The following EXOC4 variants were observed in gnomAD, a reference collection of about 807,000 sequenced individuals.
EXOC4 encodes SEC8-like 1.
A neutral mutation model predicts 107.2 loss-of-function variants in EXOC4; 71 were observed. The observed-to-expected ratio is 0.66, with a 90% CI of 0.55 to 0.81. The LOEUF is 0.81. EXOC4 is among the 30% of genes least tolerant of loss of function. EXOC4 has a pLI of 0.00. For missense variants in EXOC4, 1,108 were observed against 1,189.6 expected (o/e 0.93, Z 1.01); for synonymous variants, 456 against 441.2 (o/e 1.03, Z -0.42).
At chr7:133,747,506 G>A (rs1795702720) in intron 10 of EXOC4, among the ~76,000 whole-genome samples, 1 of 152,116 alleles carries the variant, frequency 6.6e-6, no homozygotes, top group Non-Finnish European at 1.5e-5. Context: ...AGAACGCCAA[G>A]AAGACTAATA....
chr7:133,337,490 A>G (rs1258976691), intron 5 of EXOC4, among the ~76,000 whole-genome samples: 3 of 152,196 alleles, frequency 2.0e-5, no homozygotes, highest in Middle Eastern at 6.8e-3. Flanking sequence ...TGTAATTAAC[A>G]TCTGTATTTC....
At chr7:133,336,447 G>T (rs1795514854) in intron 5 of EXOC4, among the ~76,000 whole-genome samples, 1 of 152,066 alleles carries the variant, frequency 6.6e-6, no homozygotes, top group African/African-American at 2.4e-5. Context: ...GTACCAGTCT[G>T]CATTCCCACC....
chr7:133,849,178 G>A (rs1392875018), intron 11 of EXOC4, among the ~76,000 whole-genome samples: 1 of 152,184 alleles, frequency 6.6e-6, no homozygotes, highest in Non-Finnish European at 1.5e-5. Flanking sequence ...TGTAATCCCA[G>A]TGCAATGGGA....
the EXOC4 span, among the ~76,000 whole-genome samples, chr7:134,079,983 G>A: frequency 6.6e-6 from 1 of 152,156 alleles, no homozygotes; most frequent in Non-Finnish European, 1.5e-5. Flanking sequence ...CCAAGATCTA[G>A]AGTCCATCCA....
chr7:133,642,891 A>G (rs566755567), intron 10 of EXOC4, among the ~76,000 whole-genome samples: 2 of 152,314 alleles, frequency 1.3e-5, no homozygotes, highest in South Asian at 4.1e-4. Flanking sequence ...ATCTACCAAC[A>G]CTGACCTTTG....
chr7:133,837,526 C>T (rs1797942033), intron 11 of EXOC4, among the ~76,000 whole-genome samples: 1 of 152,084 alleles, frequency 6.6e-6, no homozygotes, highest in Non-Finnish European at 1.5e-5. Flanking sequence ...ACAAATGATT[C>T]CTTTATCTTG....
intron 15 of EXOC4, among the ~76,000 whole-genome samples, chr7:134,002,775 A>G (rs1316231055): frequency 6.6e-6 from 1 of 152,204 alleles, no homozygotes; most frequent in Non-Finnish European, 1.5e-5. Context: ...ATACTGCTCT[A>G]CATCTATTAG....
intron 10 of EXOC4, among the ~76,000 whole-genome samples, chr7:133,664,924 T>C (rs1283145912): frequency 6.6e-6 from 1 of 152,168 alleles, no homozygotes; most frequent in Non-Finnish European, 1.5e-5. Flanking sequence ...TGGTATCTTT[T>C]TGTTTCTCCT....
chr7:133,587,383 G>A (rs1228040268), intron 9 of EXOC4, among the ~76,000 whole-genome samples: 2 of 152,182 alleles, frequency 1.3e-5, no homozygotes, highest in Non-Finnish European at 2.9e-5. Context: ...TGGAGATTTT[G>A]AATGAGGATG....
intron 2 of EXOC4, 24 bp from the exon 3 acceptor site, chr7:133,288,898 A>G (rs547798759): frequency 1.2e-6 from 2 of 1,610,684 alleles, no homozygotes; most frequent in African/African-American, 1.3e-5. Context: ...GGACTGACCC[A>G]AGACCGAATC....
chr7:133,671,424 G>A (rs1050082367), intron 10 of EXOC4, among the ~76,000 whole-genome samples: 12 of 152,100 alleles, frequency 7.9e-5, no homozygotes, highest in African/African-American at 2.2e-4. Context: ...AATTAGCTGG[G>A]CGTGTGTTGG....
intron 13 of EXOC4, among the ~76,000 whole-genome samples, chr7:133,927,032 G>A (rs1345639509): frequency 3.9e-5 from 6 of 151,912 alleles, no homozygotes; most frequent in Non-Finnish European, 8.8e-5. Context: ...TTTCTTCTGT[G>A]GAATCCTCTT....
intron 14 of EXOC4, among the ~76,000 whole-genome samples, chr7:133,968,544 A>G (rs963478556): frequency 2.6e-5 from 4 of 152,204 alleles, no homozygotes; most frequent in Non-Finnish European, 5.9e-5. Context: ...GGTGGTGACA[A>G]AATCTCTCAA....
At chr7:133,749,176 A>G (rs1795738119) in intron 10 of EXOC4, among the ~76,000 whole-genome samples, 1 of 152,166 alleles carries the variant, frequency 6.6e-6, no homozygotes. Context: ...AATTAAATTC[A>G]GGAGATTTAG....
intron 9 of EXOC4, among the ~76,000 whole-genome samples, chr7:133,523,668 C>T (rs1281563366): frequency 6.6e-6 from 1 of 151,874 alleles, no homozygotes; most frequent in Non-Finnish European, 1.5e-5. Flanking sequence ...GTTCAGTTCC[C>T]ACCTATGAGT....
chr7:133,536,960 T>C (rs1199227485), intron 9 of EXOC4, among the ~76,000 whole-genome samples: 4 of 152,196 alleles, frequency 2.6e-5, no homozygotes, highest in Admixed American at 6.5e-5. Flanking sequence ...CTGTATTACA[T>C]GACTATGTCT....
chr7:133,908,650 T>G (rs1366032283), intron 12 of EXOC4, among the ~76,000 whole-genome samples: 1 of 152,172 alleles, frequency 6.6e-6, no homozygotes, highest in Non-Finnish European at 1.5e-5. Flanking sequence ...GCAGGGTGGT[T>G]GTGAGGATTA....
intron 17 of EXOC4, among the ~76,000 whole-genome samples, chr7:134,047,573 A>G (rs927263628): frequency 5.9e-5 from 9 of 152,000 alleles, no homozygotes; most frequent in African/African-American, 2.2e-4. Context: ...AACTCCTGCT[A>G]TGTAACAGTG....
At chr7:133,595,595 A>G (rs1010156549) in intron 9 of EXOC4, among the ~76,000 whole-genome samples, 2 of 152,220 alleles carry the variant, frequency 1.3e-5, no homozygotes, top group Non-Finnish European at 2.9e-5. Context: ...GCATGATCTC[A>G]TTTAATCCTT....
Sources: gnomAD v4.1 joint callset for allele counts (sites outside exome capture counted in the v4.1 genomes callset) on GRCh38, gnomAD v4.1.1 for gene constraint, MANE v1.5 for transcripts, NCBI Gene and HGNC (gene_info 2026-07-23, HGNC 2026-07-21) for gene names.